Variants in UNC93A observed in about 807,000 individuals in gnomAD.
UNC93A encodes the protein unc-93 homolog A, also known as N-acetylglucosamine transporter UNC93A.
Under a neutral mutation model 47.5 loss-of-function variants are expected in UNC93A, and 43 were observed. That is an observed-to-expected ratio of 0.91 (90% CI 0.71 to 1.17). UNC93A has a LOEUF of 1.17. Among genes scored for constraint, UNC93A ranks in the 50% most tolerant of loss-of-function variants. UNC93A has a pLI of 0.00. For synonymous variants in UNC93A, 280 were observed against 258.0 expected, an observed-to-expected ratio of 1.09 and a Z score of -0.82; for missense variants, 605 against 577.6, an observed-to-expected ratio of 1.05 and a Z score of -0.49.
chr6:167,291,589 G>A lies in UNC93A; in HGVS notation c.87+13G>A, dbSNP rs202035710. 54 of 1,597,854 alleles carry A rather than the reference G, an allele frequency of 3.4e-5. No individual in the cohort carries two copies. In the African/African-American group the frequency reaches 5.1e-4, roughly 15 times the overall value. ...GCAGAGCCTGCAGGTATGTGTGTCC[G>A]GTCATCAAATTACCTGAACTTCTTG... On this transcript the variant is annotated intron_variant, in intron 1 of 7. Transcript: ENST00000230256.
chr6:167,271,810 TA>T (rs1477170947), intron 1 of UNC93A, among the ~76,000 whole-genome samples: 3 of 152,184 alleles, frequency 2.0e-5, no homozygotes, highest in Non-Finnish European at 2.9e-5. Context: ...ATAGAGCTTC[TA>T]AACAAAATAA....
chr6:167,292,564 T>A (rs1783864898), intron 1 of UNC93A, among the ~76,000 whole-genome samples: 1 of 152,214 alleles, frequency 6.6e-6, no homozygotes, highest in Non-Finnish European at 1.5e-5. Flanking sequence ...TCTGGTTCTA[T>A]TTCTGATCAG....
chr6:167,286,415 G>A (rs953589147), upstream of UNC93A, among the ~76,000 whole-genome samples: 3 of 152,336 alleles, frequency 2.0e-5, no homozygotes, highest in South Asian at 4.1e-4. Flanking sequence ...GGAAACAAAC[G>A]GGGAAAATGC....
chr6:167,298,218 G>T, intron 4 of UNC93A, 148 bp downstream of exon 4: 1 of 1,263,586 alleles, frequency 7.9e-7, no homozygotes, highest in Non-Finnish European at 1.1e-6. Context: ...TGGATTATAT[G>T]CAGGCGGTGT....
In UNC93A at chr6:167,303,921, A is replaced by AGTG; in HGVS notation, c.632_634dup (p.Gly211dup). ...AAGCCTTTGCTATGTCCTTTCAGGG[A>AGTG]GTGGTGTCCTGGCTGTCCTGATGAT... On this transcript the variant is annotated inframe_insertion, in exon 5 of 8. Coordinates refer to ENST00000230256, the MANE Select transcript of UNC93A (RefSeq NM_018974.4). The AGTG allele has an allele frequency of 2.5e-6, 4 of 1,613,678 alleles. No individual in the cohort carries two copies. Among genetic ancestry groups the AGTG allele is most frequent in the Non-Finnish European group, 3.4e-6 (4 of 1,179,938 alleles).
chr6:167,269,751 C>T (rs1204704975), upstream of UNC93A, among the ~76,000 whole-genome samples: 4 of 152,092 alleles, frequency 2.6e-5, no homozygotes, highest in East Asian at 1.9e-4. Context: ...GGACTACAGG[C>T]GCCCACCACC....
Position 167,307,838 on chromosome 6 carries a change from C to CAA in UNC93A, c.1037_1038insAA (p.His346GlnfsTer74). 1.2e-6 allele frequency: 2 copies of CAA among 1,614,114 alleles called. No homozygotes were observed. The highest frequency in any genetic ancestry group is 1.7e-6 in the Non-Finnish European group (2 of 1,179,992). On this transcript the variant is annotated frameshift_variant, in exon 7 of 8. Transcript: ENST00000230256. LOFTEE classifies it high-confidence loss of function. ...ACTGCTGTGGAGACCTCGTGCTGAC[C>CAA]ATCTGGCAGTGTTCTTCGTATTCTC...
chr6:167,274,688 C>T (rs965373820), intron 1 of UNC93A, among the ~76,000 whole-genome samples: 1 of 152,166 alleles, frequency 6.6e-6, no homozygotes, highest in African/African-American at 2.4e-5. Context: ...ACATGGGCAC[C>T]TTCTTTAGTC....
At chr6:167,313,109 G>A (rs978102698) in intron 7 of UNC93A, among the ~76,000 whole-genome samples, 3 of 152,212 alleles carry the variant, frequency 2.0e-5, no homozygotes, top group Admixed American at 2.0e-4. Context: ...GAGTGAGGGT[G>A]TCACCTCTGT....
Position 167,275,512 on chromosome 6 carries a change from G to A in UNC93A, c.-52+4054G>A, listed in dbSNP as rs76326039. Among the ~76,000 whole-genome samples, 627 of 152,308 alleles carry A rather than the reference G, an allele frequency of 4.1e-3. 8 individuals carry two copies. The highest frequency in any genetic ancestry group is 0.014 in the African/African-American group (601 of 41,566). ...TCACCCACCCCCAAGGGCAGTCAGC[G>A]GGGGGATCTTCCAGGAACTCTTGGT... On this transcript the variant is annotated intron_variant, in intron 1 of 3. Coordinates refer to the UNC93A transcript ENST00000503433.
At chr6:167,309,709 C>T (rs1180245154) in intron 7 of UNC93A, among the ~76,000 whole-genome samples, 1 of 152,238 alleles carries the variant, frequency 6.6e-6, no homozygotes, top group Non-Finnish European at 1.5e-5. Flanking sequence ...GGACAGAACA[C>T]TCCAGCCACG....
At chr6:167,274,511 A>C (rs565643834) in intron 1 of UNC93A, among the ~76,000 whole-genome samples, 1 of 152,050 alleles carries the variant, frequency 6.6e-6, no homozygotes, top group East Asian at 1.9e-4. Context: ...TGCTTCTCAC[A>C]CTGGAGTCCT....
rs369820010 is a variant in UNC93A at position 167,309,239 on chromosome 6, T to C, written c.1108+1329T>C. 1.8e-4 allele frequency among the ~76,000 whole-genome samples: 27 copies of C among 152,308 alleles called. No individual in the cohort carries two copies. In the East Asian group the frequency reaches 4.8e-3, roughly 27 times the overall value. On this transcript the variant is annotated intron_variant, in intron 7 of 7. Transcript: ENST00000230256. ...TCCGAGGTGCTTTGTGCGGGCTGGC[T>C]GTGTTTTCCACAAGGAGATGCGTGA...
At chr6:167,286,950 C>A (rs1373839555), upstream of UNC93A, among the ~76,000 whole-genome samples, 1 of 142,544 alleles carries the variant, frequency 7.0e-6, no homozygotes, top group African/African-American at 2.6e-5. Context: ...TGCACTCCAG[C>A]CTGGGCGACA....
intron 3 of UNC93A, 112 bp downstream of exon 3, chr6:167,296,373 A>G (rs1778089334): frequency 8.8e-7 from 1 of 1,138,188 alleles, no homozygotes; most frequent in African/African-American, 1.5e-5. Flanking sequence ...TAACTTGAGC[A>G]GGTGAGTCAG....
chr6:167,280,019 G>A (rs1375736919), intron 1 of UNC93A, among the ~76,000 whole-genome samples: 1 of 152,206 alleles, frequency 6.6e-6, no homozygotes, highest in African/African-American at 2.4e-5. Context: ...GGAAGTCCAT[G>A]AGCACAAGAA....
At chr6:167,274,971 C>T (rs1783515135) in intron 1 of UNC93A, among the ~76,000 whole-genome samples, 1 of 152,206 alleles carries the variant, frequency 6.6e-6, no homozygotes, top group Admixed American at 6.5e-5. Context: ...CATACATCAA[C>T]TGGTGTTACC....
chr6:167,303,911 C>T lies in UNC93A; in HGVS notation c.626-8C>T. 3.1e-6 allele frequency: 5 copies of T among 1,613,816 alleles called. No homozygotes were observed. The highest frequency in any genetic ancestry group is 4.2e-6 in the Non-Finnish European group (5 of 1,179,932). On this transcript the variant is annotated splice_polypyrimidine_tract_variant and splice_region_variant and intron_variant, in intron 4 of 7. Coordinates refer to ENST00000230256, the MANE Select transcript of UNC93A (RefSeq NM_018974.4). Reference sequence around the variant, plus strand: ...ATGAAAGCTGAAGCCTTTGCTATGTCCTTTCAGGGAGTGGTGTCCTGGCTG... The same window carrying T: ...ATGAAAGCTGAAGCCTTTGCTATGTTCTTTCAGGGAGTGGTGTCCTGGCTG...
At position 167,298,021 on chromosome 6, in the gene UNC93A, C is replaced by T. The variant is rs995258617; in HGVS notation, c.576C>T (p.Thr192=). 6.2e-7 allele frequency: 1 copy of T among 1,614,058 alleles called. No homozygotes were observed. The highest frequency in any genetic ancestry group is 8.5e-7 in the Non-Finnish European group (1 of 1,180,006). ...TGGCCACCACAACCACCAACAGCAC[C>T]CAGAGGCCCTCCCAGCAGCTGGTCT... The part of the protein sequence containing the change: ...CLMATTTTNS[T]QRPSQQLVYT... Residue 192 remains threonine, a synonymous_variant, in exon 4 of 8, where the codon ACC becomes ACT. Coordinates refer to ENST00000230256, the MANE Select transcript of UNC93A (RefSeq NM_018974.4).
Sources: gnomAD v4.1 joint callset for allele counts (sites outside exome capture counted in the v4.1 genomes callset) on GRCh38, gnomAD v4.1.1 for gene constraint, MANE v1.5 for transcripts, NCBI Gene and HGNC (gene_info 2026-07-23, HGNC 2026-07-21) for gene names.